PAK1: variants seen among roughly 807,000 people sequenced by gnomAD.
The protein encoded by PAK1 is serine/threonine-protein kinase PAK 1.
PAK1 carries 29 observed loss-of-function variants against 67.4 expected under a neutral mutation model. The observed-to-expected ratio is 0.43, with a 90% CI of 0.32 to 0.59. The LOEUF is 0.59. Among genes scored for constraint, PAK1 ranks in the 20% least tolerant of loss-of-function variants. The pLI, the probability that PAK1 is intolerant of heterozygous loss-of-function variation, is 0.07. For synonymous variants in PAK1, 223 were observed against 237.4 expected (o/e 0.94, Z 0.56); for missense variants, 337 against 670.7 (o/e 0.50, Z 5.50).
chr11:77,374,188 G>A, intron 5 of PAK1, 140 bp downstream of exon 5: 1 of 474,668 alleles, frequency 2.1e-6, no homozygotes, highest in Non-Finnish European at 3.8e-6. Flanking sequence ...TTTCTTTATT[G>A]GATAGATAGG....
chr11:77,488,856 G>A, the PAK1 span, among the ~76,000 whole-genome samples: 236 of 152,290 alleles, frequency 1.5e-3, 3 homozygotes, highest in Middle Eastern at 0.027. Flanking sequence ...AGGAGGTCGA[G>A]AGAGAGATCT....
chr11:77,501,275 G>A, the PAK1 span, among the ~76,000 whole-genome samples: 6 of 152,328 alleles, frequency 3.9e-5, no homozygotes, highest in African/African-American at 1.4e-4. Flanking sequence ...CACATCCATA[G>A]CAAAGCAAAC....
At chr11:77,381,261 C>T (rs1949802936) in intron 2 of PAK1, among the ~76,000 whole-genome samples, 1 of 151,570 alleles carries the variant, frequency 6.6e-6, no homozygotes, top group South Asian at 2.1e-4. Flanking sequence ...CTTAAGGGTC[C>T]CTCAAGCACC....
intron 1 of PAK1, among the ~76,000 whole-genome samples, chr11:77,408,675 G>A (rs72941658): frequency 0.012 from 1,797 of 152,074 alleles, 13 homozygotes; most frequent in South Asian, 0.023. Context: ...CAAAAATTCC[G>A]TTGATTAACG....
chr11:77,472,422 TG>T (rs764534360), intron 1 of PAK1, among the ~76,000 whole-genome samples: 1 of 152,222 alleles, frequency 6.6e-6, no homozygotes, highest in African/African-American at 2.4e-5. Context: ...CAGCTCTGTC[TG>T]TAAGAGGAGA....
intron 1 of PAK1, among the ~76,000 whole-genome samples, chr11:77,437,745 A>C (rs1029429386): frequency 1.9e-5 from 1 of 51,798 alleles, no homozygotes; most frequent in Admixed American, 1.4e-4. Context: ...ATATAGACTA[A>C]AACAAATCAA....
intron 1 of PAK1, among the ~76,000 whole-genome samples, chr11:77,465,016 G>C (rs1592577751): frequency 7.6e-6 from 1 of 131,216 alleles, no homozygotes; most frequent in Non-Finnish European, 1.8e-5. Flanking sequence ...GTGTGTGTCT[G>C]TGTGTGTGTC....
At chr11:77,441,264 T>A (rs1043622791) in intron 1 of PAK1, among the ~76,000 whole-genome samples, 1 of 152,090 alleles carries the variant, frequency 6.6e-6, no homozygotes, top group African/African-American at 2.4e-5. Flanking sequence ...CTTAGAGACA[T>A]CTAGGTCCAT....
intron 13 of PAK1, among the ~76,000 whole-genome samples, chr11:77,335,339 C>T (rs1942503778): frequency 6.6e-6 from 1 of 152,200 alleles, no homozygotes; most frequent in Non-Finnish European, 1.5e-5. Context: ...ACTCCAGCTC[C>T]ACTTAAATGT....
At chr11:77,472,743 GA>G (rs1295460761) in intron 1 of PAK1, among the ~76,000 whole-genome samples, 13 of 152,324 alleles carry the variant, frequency 8.5e-5, no homozygotes, top group African/African-American at 2.6e-4. Flanking sequence ...TAATGAATCT[GA>G]ATTTTTATTA....
rs182284415 is a variant in PAK1, at chr11:77,428,689, G to A, written c.-21-36148C>T. Among the ~76,000 whole-genome samples the A allele has an allele frequency of 7.2e-5, 11 of 152,034 alleles. No homozygotes were observed. In the East Asian group the frequency reaches 1.8e-3, roughly 24 times the overall value. ...GAAGAGACAAGTAGTCTAGTGAGGA[G>A]AATCAGAGCCCAAGCAGGGTGAAAA... On this transcript the variant is annotated intron_variant, in intron 1 of 14. Transcript: ENST00000356341.
At chr11:77,518,107 T>A in the PAK1 span, among the ~76,000 whole-genome samples, 1 of 152,342 alleles carries the variant, frequency 6.6e-6, no homozygotes, top group East Asian at 1.9e-4. Flanking sequence ...TTATTCCAGA[T>A]TTCAATAATC....
intron 5 of PAK1, among the ~76,000 whole-genome samples, chr11:77,373,592 T>C (rs1948717076): frequency 6.6e-6 from 1 of 150,474 alleles, no homozygotes; most frequent in African/African-American, 2.4e-5. Context: ...AGCAGTATTC[T>C]CTTATATGCA....
chr11:77,474,559 T>C (rs922579199), upstream of PAK1: 2 of 152,154 alleles, frequency 1.3e-5, no homozygotes, highest in African/African-American at 4.8e-5. Flanking sequence ...TGAGGGTCCT[T>C]TTCAGGTTAA....
the PAK1 span, among the ~76,000 whole-genome samples, chr11:77,491,516 G>A: frequency 1.3e-5 from 2 of 151,758 alleles, no homozygotes; most frequent in Non-Finnish European, 2.9e-5. Flanking sequence ...GTGATAGAGT[G>A]AGACTCTGCC....
chr11:77,383,830 T>G (rs1397891633), intron 2 of PAK1, among the ~76,000 whole-genome samples: 5 of 152,166 alleles, frequency 3.3e-5, no homozygotes, highest in African/African-American at 4.8e-5. Context: ...AGTCACTGTC[T>G]CACTGGCTCA....
chr11:77,422,554 C>CA (rs11388442), intron 1 of PAK1, among the ~76,000 whole-genome samples: 23,267 of 137,072 alleles, frequency 0.17, 4,378 homozygotes, highest in African/African-American at 0.45. Flanking sequence ...GACACCGTCT[C>CA]AAAAAAAAAA....
At chr11:77,427,953 G>A (rs1384947605) in intron 1 of PAK1, among the ~76,000 whole-genome samples, 1 of 152,120 alleles carries the variant, frequency 6.6e-6, no homozygotes, top group Non-Finnish European at 1.5e-5. Flanking sequence ...GAGGATAAAG[G>A]CAAAAAGCCA....
intron 9 of PAK1, among the ~76,000 whole-genome samples, chr11:77,347,288 G>C (rs1944574771): frequency 6.6e-6 from 1 of 152,170 alleles, no homozygotes; most frequent in Non-Finnish European, 1.5e-5. Flanking sequence ...TGTGAGGCCT[G>C]AGAGGCCAGA....
Sources: gnomAD v4.1 joint callset for allele counts (sites outside exome capture counted in the v4.1 genomes callset) on GRCh38, gnomAD v4.1.1 for gene constraint, MANE v1.5 for transcripts, NCBI Gene and HGNC (gene_info 2026-07-23, HGNC 2026-07-21) for gene names.